FNDC3A: variants seen among roughly 807,000 people sequenced by gnomAD.
The protein encoded by FNDC3A is fibronectin type III domain containing 3A, also known as fibronectin type-III domain-containing protein 3A.
Under a neutral mutation model 148.9 loss-of-function variants are expected in FNDC3A, and 32 were observed. That is an observed-to-expected ratio of 0.21 (90% CI 0.16 to 0.29). The LOEUF (loss-of-function observed/expected upper bound fraction) is 0.29. Ranked by LOEUF, FNDC3A falls within the 10% of genes least tolerant of loss-of-function variation. The probability of loss-of-function intolerance (pLI) is 1.00; values close to 1 mark genes in which losing one functional copy is unlikely to be tolerated. For synonymous variants in FNDC3A, 472 were observed against 473.6 expected (o/e 1.00, Z 0.04); for missense variants, 1,191 against 1,452.8 (o/e 0.82, Z 2.93).
At chr13:49,055,335 A>G (rs1192993095) in intron 2 of FNDC3A, among the ~76,000 whole-genome samples, 3 of 151,828 alleles carry the variant, frequency 2.0e-5, no homozygotes, top group Admixed American at 6.6e-5. Context: ...ATAAAATCCT[A>G]AGGCCCCCCA....
chr13:49,202,007 T>A, intron 24 of FNDC3A, 41 bp downstream of exon 24: 2 of 1,230,136 alleles, frequency 1.6e-6, no homozygotes, highest in Non-Finnish European at 2.2e-6. Flanking sequence ...TATAATAAAT[T>A]ACTTTTTAAT....
chr13:49,161,059 A>T (rs1884076346), intron 8 of FNDC3A, among the ~76,000 whole-genome samples: 1 of 152,162 alleles, frequency 6.6e-6, no homozygotes, highest in Admixed American at 6.5e-5. Context: ...CAGTTTTGGA[A>T]TAAGTCTGAT....
chr13:49,030,291 CAAAA>C (rs1440185270), intron 2 of FNDC3A, among the ~76,000 whole-genome samples: 2 of 152,088 alleles, frequency 1.3e-5, no homozygotes, highest in Admixed American at 1.3e-4. Flanking sequence ...TCAGTAGACT[CAAAA>C]GAAGCATTTG....
At chr13:49,128,849 C>G (rs1389804526) in intron 4 of FNDC3A, among the ~76,000 whole-genome samples, 1 of 152,224 alleles carries the variant, frequency 6.6e-6, no homozygotes, top group Non-Finnish European at 1.5e-5. Context: ...TAGAACAAAT[C>G]TTCCAGATTT....
chr13:48,986,449 G>T (rs1951803646), intron 1 of FNDC3A, among the ~76,000 whole-genome samples: 1 of 128,100 alleles, frequency 7.8e-6, no homozygotes, highest in South Asian at 2.6e-4. Context: ...AGGCTGGAGT[G>T]CAATGGCGTG....
intron 23 of FNDC3A, among the ~76,000 whole-genome samples, chr13:49,200,572 C>T (rs1209151215): frequency 6.6e-6 from 1 of 151,862 alleles, no homozygotes; most frequent in East Asian, 1.9e-4. Flanking sequence ...TGCAAGAAGG[C>T]TTACTGGAAA....
chr13:49,092,445 G>T (rs1027204652), intron 3 of FNDC3A, among the ~76,000 whole-genome samples: 1 of 152,062 alleles, frequency 6.6e-6, no homozygotes, highest in Admixed American at 6.6e-5. Flanking sequence ...ATCTTCTAGC[G>T]GTATTGGCAG....
intron 3 of FNDC3A, 25 bp from the exon 4 acceptor site, chr13:49,114,630 T>TA (rs1268411669): frequency 5.3e-6 from 8 of 1,523,262 alleles, no homozygotes; most frequent in Non-Finnish European, 7.3e-6. Context: ...CATGGGTTAA[T>TA]ACATCATTTA....
rs1458098454 is a variant in FNDC3A, at chr13:49,208,316, G to A, written c.*921G>A. 6.6e-6 allele frequency: 1 copy of A among 152,524 alleles called. No homozygotes were observed. Among genetic ancestry groups the A allele is most frequent in the Non-Finnish European group, 1.5e-5 (1 of 67,984 alleles). The allele number at this position is 152,524 out of a possible 1,614,324, so 9.4% of individuals were successfully genotyped here. A position where few individuals can be genotyped will look rare whatever the true frequency, so the allele number is the denominator to read the frequency against. ...TTACATACATACACTCACTCTGTCT[G>A]GTATAGGCTAATTTTGAAGAACTCC... On this transcript the variant is annotated 3_prime_UTR_variant, in exon 26 of 26. Coordinates refer to ENST00000492622, the MANE Select transcript of FNDC3A (RefSeq NM_001079673.2).
intron 2 of FNDC3A, among the ~76,000 whole-genome samples, chr13:49,047,378 C>G (rs1875498881): frequency 6.6e-6 from 1 of 152,116 alleles, no homozygotes. Context: ...ACTTTTAGTT[C>G]TTTAGGGGAT....
chr13:49,042,997 C>T (rs1875063568), intron 2 of FNDC3A, among the ~76,000 whole-genome samples: 1 of 152,000 alleles, frequency 6.6e-6, no homozygotes, highest in Non-Finnish European at 1.5e-5. Flanking sequence ...ATTCTGTCAC[C>T]AAGACTGGAA....
chr13:49,199,915 C>G (rs1050975306), intron 23 of FNDC3A, among the ~76,000 whole-genome samples: 1 of 152,124 alleles, frequency 6.6e-6, no homozygotes, highest in African/African-American at 2.4e-5. Flanking sequence ...TTGTACTATT[C>G]CTATATAATG....
intron 2 of FNDC3A, among the ~76,000 whole-genome samples, chr13:49,041,755 G>A (rs1310662943): frequency 6.7e-6 from 1 of 149,528 alleles, no homozygotes; most frequent in Non-Finnish European, 1.5e-5. Flanking sequence ...AGGTTGCAAT[G>A]AGCCAAGATC....
intron 8 of FNDC3A, among the ~76,000 whole-genome samples, chr13:49,147,781 A>AT (rs202018513): frequency 0.022 from 3,282 of 152,196 alleles, 43 homozygotes; most frequent in Middle Eastern, 0.051. Flanking sequence ...TGATATTTCT[A>AT]TTTTTAATTT....
intron 1 of FNDC3A, among the ~76,000 whole-genome samples, chr13:49,000,250 A>T (rs1188676425): frequency 6.6e-6 from 1 of 152,164 alleles, no homozygotes; most frequent in Non-Finnish European, 1.5e-5. Context: ...TTTTGAGTTA[A>T]TTTTTGTATA....
At chr13:49,062,271 G>A (rs1876951284) in intron 2 of FNDC3A, among the ~76,000 whole-genome samples, 1 of 152,176 alleles carries the variant, frequency 6.6e-6, no homozygotes, top group African/African-American at 2.4e-5. Flanking sequence ...GTTTACATGG[G>A]TGCTAATTGA....
chr13:49,189,976 T>C (rs1885798657), intron 17 of FNDC3A, among the ~76,000 whole-genome samples: 3 of 152,140 alleles, frequency 2.0e-5, no homozygotes, highest in Admixed American at 2.0e-4. Context: ...CAGCTCTGCC[T>C]CTTGGGTTCA....
chr13:49,168,646 T>C lies in FNDC3A; in HGVS notation c.1071T>C (p.Thr357=). 6.2e-7 allele frequency: 1 copy of C among 1,611,436 alleles called. No individual in the cohort carries two copies. Among genetic ancestry groups the C allele is most frequent in the Non-Finnish European group, 8.5e-7 (1 of 1,177,604 alleles). Residue 357 remains threonine (T), a synonymous_variant, in exon 10 of 26, where the codon ACT becomes ACC. Coordinates refer to ENST00000492622, the MANE Select transcript of FNDC3A (RefSeq NM_001079673.2). ...VQAEYNSIKG[T]PSEAEIFTTL... is the part of the protein sequence containing the mutation. The stretch of plus-strand genomic sequence containing the variant: ...CAGAATATAATTCTATAAAGGGAAC[T>C]CCTTCAGAGGCTGAAATCTTTACCA...
At chr13:48,995,693 C>T (rs1436873679) in intron 1 of FNDC3A, among the ~76,000 whole-genome samples, 1 of 152,052 alleles carries the variant, frequency 6.6e-6, no homozygotes. Context: ...TTTTTAAGAG[C>T]CATTTTTCTG....
Sources: gnomAD v4.1 joint callset for allele counts (sites outside exome capture counted in the v4.1 genomes callset) on GRCh38, gnomAD v4.1.1 for gene constraint, MANE v1.5 for transcripts, NCBI Gene and HGNC (gene_info 2026-07-23, HGNC 2026-07-21) for gene names.